GRM5: variants seen among roughly 807,000 people sequenced by gnomAD.
GRM5 encodes the protein metabotropic glutamate receptor 5.
Under a neutral mutation model 83.1 loss-of-function variants are expected in GRM5, and 19 were observed. The ratio of observed to expected loss-of-function variants is 0.23; its 90% CI spans 0.16 to 0.34. The LOEUF is 0.34. Ranked by LOEUF, GRM5 falls within the 10% of genes least tolerant of loss-of-function variation. The pLI, the probability that GRM5 is intolerant of heterozygous loss-of-function variation, is 1.00. For missense variants in GRM5, 1,160 were observed against 1,588.3 expected, an observed-to-expected ratio of 0.73 and a Z score of 4.58; for synonymous variants, 675 against 633.6, an observed-to-expected ratio of 1.07 and a Z score of -0.98.
At chr11:88,792,738 C>T (rs565594354) in intron 3 of GRM5, among the ~76,000 whole-genome samples, 23 of 152,014 alleles carry the variant, frequency 1.5e-4, no homozygotes, top group Non-Finnish European at 2.9e-4. Context: ...AGACATGGTT[C>T]TGAGGTGAAA....
At chr11:88,790,980 T>C (rs572036900) in intron 3 of GRM5, among the ~76,000 whole-genome samples, 15 of 152,168 alleles carry the variant, frequency 9.9e-5, no homozygotes, top group South Asian at 4.1e-4. Flanking sequence ...GGAAGATGAA[T>C]TGCAAGCACA....
At chr11:88,691,390 T>G (rs1032924383) in intron 3 of GRM5, among the ~76,000 whole-genome samples, 1 of 152,310 alleles carries the variant, frequency 6.6e-6, no homozygotes, top group East Asian at 1.9e-4. Context: ...TAATAGTTAC[T>G]TTAGCCATGT....
intron 2 of GRM5, among the ~76,000 whole-genome samples, chr11:88,892,200 G>A (rs1170953514): frequency 2.7e-5 from 4 of 147,592 alleles, no homozygotes; most frequent in Non-Finnish European, 5.9e-5. Context: ...AGAAAAACTG[G>A]TTATTTTATC....
At chr11:89,002,283 G>A (rs1413960412) in intron 2 of GRM5, among the ~76,000 whole-genome samples, 6 of 152,122 alleles carry the variant, frequency 3.9e-5, no homozygotes, top group Non-Finnish European at 7.4e-5. Flanking sequence ...TTATTAAAAT[G>A]TGTAAGTTAT....
intron 3 of GRM5, among the ~76,000 whole-genome samples, chr11:88,844,554 A>T (rs1347607038): frequency 3.3e-5 from 5 of 152,152 alleles, no homozygotes; most frequent in Admixed American, 6.5e-5. Context: ...AGTAATTTTG[A>T]CTTTCATGTC....
At chr11:88,971,471 C>A (rs1418275295) in intron 2 of GRM5, among the ~76,000 whole-genome samples, 1 of 152,064 alleles carries the variant, frequency 6.6e-6, no homozygotes, top group Admixed American at 6.6e-5. Flanking sequence ...ACTTTTTTCC[C>A]CTTCTTTGCA....
intron 3 of GRM5, among the ~76,000 whole-genome samples, chr11:88,764,413 G>A (rs930708661): frequency 6.6e-6 from 1 of 151,590 alleles, no homozygotes; most frequent in African/African-American, 2.4e-5. Context: ...TTGTTTTTAT[G>A]TGCATATGGG....
chr11:88,951,396 G>A (rs917372068), intron 2 of GRM5, among the ~76,000 whole-genome samples: 1 of 152,158 alleles, frequency 6.6e-6, no homozygotes, highest in African/African-American at 2.4e-5. Flanking sequence ...TTCGCATACC[G>A]GGAAGCTCTG....
chr11:89,053,100 C>A (rs1020742480), intron 1 of GRM5, among the ~76,000 whole-genome samples: 4 of 152,088 alleles, frequency 2.6e-5, no homozygotes, highest in African/African-American at 9.7e-5. Flanking sequence ...ACAATTTGAA[C>A]ATCCAAGAGA....
intron 2 of GRM5, among the ~76,000 whole-genome samples, chr11:88,989,987 C>G (rs1939903668): frequency 6.6e-6 from 1 of 151,528 alleles, no homozygotes; most frequent in African/African-American, 2.4e-5. Flanking sequence ...CAAAAGCTAG[C>G]AGAAGGCAAG....
In GRM5 at chr11:88,509,135, G is replaced by C; in HGVS notation, c.3096C>G (p.Ala1032=). ...ACGGCACATCGTCGTCCGTGCGGCT[G>C]GCCGAGCCCGCGCGGTGGCTCAGCG... ...ISTLSHRAGS[A]SRTDDDVPSL... is the part of the protein sequence containing the mutation. The change falls in exon 10 of 10, where the codon GCC becomes GCG. Residue 1032 remains alanine (A), a synonymous_variant. Coordinates refer to ENST00000305447, the MANE Select transcript of GRM5 (RefSeq NM_001143831.3). 6.5e-7 allele frequency: 1 copy of C among 1,541,762 alleles called. No homozygotes were observed. The highest frequency in any genetic ancestry group is 8.7e-7 in the Non-Finnish European group (1 of 1,144,572).
rs140378309 is a variant in GRM5 at position 88,866,401 on chromosome 11, C to G, written c.662-16246G>C. Among the ~76,000 whole-genome samples the G allele has an allele frequency of 6.2e-3, 946 of 151,946 alleles. 11 individuals carry two copies. Among genetic ancestry groups the G allele is most frequent in the African/African-American group, 0.021 (890 of 41,488 alleles). On this transcript the variant is annotated intron_variant, in intron 2 of 9. Coordinates refer to ENST00000305447, the MANE Select transcript of GRM5 (RefSeq NM_001143831.3). ...GGGATCACCACACACTGGGGCCTGT[C>G]AGGGGATTGGGGTCTAGGGATGGAT...
At chr11:88,523,445 G>A (rs1184577771) in intron 9 of GRM5, among the ~76,000 whole-genome samples, 3 of 152,132 alleles carry the variant, frequency 2.0e-5, no homozygotes, top group African/African-American at 7.2e-5. Context: ...TCAAGGATAT[G>A]AATTATGCTA....
rs1945144991 is a variant in GRM5, at chr11:88,891,609, T to TCTAAGTATATGCTATCA, written c.662-41455_662-41454insTGATAGCATATACTTAG. 1.3e-3 allele frequency among the ~76,000 whole-genome samples: 2 copies of TCTAAGTATATGCTATCA among 1,512 alleles called. 1 individual carries two copies. Among genetic ancestry groups the TCTAAGTATATGCTATCA allele is most frequent in the African/African-American group, 2.6e-3 (2 of 784 alleles). The allele number at this position is 1,512 out of a possible 152,430, so 1.0% of individuals were successfully genotyped here. A position where few individuals can be genotyped will look rare whatever the true frequency, so the allele number is the denominator to read the frequency against. On this transcript the variant is annotated intron_variant, in intron 2 of 9. Coordinates refer to ENST00000305447, the MANE Select transcript of GRM5 (RefSeq NM_001143831.3). ...GTATGGGATTTCTAAAATTCTAATG[T>TCTAAGTATATGCTATCA]CTCATAATTAATTTTAAAATTATTG... is the stretch of plus-strand genomic sequence containing the variant.
chr11:88,700,506 C>T (rs902802734), intron 3 of GRM5, among the ~76,000 whole-genome samples: 1 of 152,126 alleles, frequency 6.6e-6, no homozygotes, highest in African/African-American at 2.4e-5. Flanking sequence ...AGGAGACCAA[C>T]CAGCTATTTG....
At chr11:88,787,137 GT>G (rs1943088501) in intron 3 of GRM5, among the ~76,000 whole-genome samples, 2 of 47,614 alleles carry the variant, frequency 4.2e-5, no homozygotes, top group South Asian at 5.0e-4. Context: ...TATGATGTGT[GT>G]GTGTGTGTGT....
intron 3 of GRM5, among the ~76,000 whole-genome samples, chr11:88,759,658 G>A (rs908092988): frequency 1.3e-5 from 2 of 152,110 alleles, no homozygotes; most frequent in East Asian, 3.9e-4. Context: ...GACAGTATTA[G>A]ACAGCTCACT....
At chr11:88,750,324 G>T (rs1431550877) in intron 3 of GRM5, among the ~76,000 whole-genome samples, 1 of 152,058 alleles carries the variant, frequency 6.6e-6, no homozygotes, top group Non-Finnish European at 1.5e-5. Context: ...AACCAACAAA[G>T]ATCAAAAATG....
chr11:88,782,882 G>A (rs1037915604), intron 3 of GRM5, among the ~76,000 whole-genome samples: 1 of 152,096 alleles, frequency 6.6e-6, no homozygotes, highest in Admixed American at 6.6e-5. Flanking sequence ...GCCAAGCCGA[G>A]TGCTAAGCCC....
Sources: allele counts gnomAD v4.1 joint callset (sites outside exome capture counted in the v4.1 genomes callset), GRCh38; gene constraint gnomAD v4.1.1; transcripts MANE v1.5; gene names NCBI Gene and HGNC (gene_info 2026-07-23, HGNC 2026-07-21).